KCNU1: variants seen among roughly 807,000 people sequenced by gnomAD.
The protein encoded by KCNU1 is potassium calcium-activated channel subfamily U member 1, also known as potassium channel subfamily U member 1.
Under a neutral mutation model 126.8 loss-of-function variants are expected in KCNU1, and 93 were observed. That is an observed-to-expected ratio of 0.73 (90% CI 0.62 to 0.87). The LOEUF is 0.87. KCNU1 is among the 40% of genes least tolerant of loss of function. The pLI is 0.00. For synonymous variants in KCNU1, 523 were observed against 494.2 expected, an observed-to-expected ratio of 1.06 and a Z score of -0.77; for missense variants, 1,330 against 1,367.1, an observed-to-expected ratio of 0.97 and a Z score of 0.43.
At chr8:36,905,645 C>A in intron 19 of KCNU1, 63 bp from the exon 20 acceptor site, 1 of 886,306 alleles carries the variant, frequency 1.1e-6, no homozygotes, top group Non-Finnish European at 1.9e-6. Context: ...AGTTTTACAT[C>A]TCGGCTTTGT....
intron 19 of KCNU1, among the ~76,000 whole-genome samples, chr8:36,874,816 C>T (rs1806221952): frequency 6.6e-6 from 1 of 152,036 alleles, no homozygotes; most frequent in Non-Finnish European, 1.5e-5. Flanking sequence ...TTGGGAAAAC[C>T]TTTCTTACCG....
In KCNU1 at chr8:36,801,641, A is replaced by G. The variant is rs146727705; in HGVS notation, c.316-2386A>G. ...AAAGGATTTCCTTAAAATTATTAAT[A>G]ATTATCAATATGCTGCTATTAAATG... On this transcript the variant is annotated intron_variant, in intron 2 of 26. Transcript: ENST00000399881. 2.6e-5 allele frequency among the ~76,000 whole-genome samples: 4 copies of G among 152,142 alleles called. No individual in the cohort carries two copies. In the East Asian group the frequency reaches 7.7e-4, roughly 29 times the overall value.
At chr8:36,857,191 A>G (rs976709756) in intron 18 of KCNU1, among the ~76,000 whole-genome samples, 8 of 152,214 alleles carry the variant, frequency 5.3e-5, no homozygotes, top group African/African-American at 1.9e-4. Flanking sequence ...TCCCACTGTG[A>G]AACCTCTGCC....
chr8:36,830,197 G>C (rs1804481007), intron 10 of KCNU1, among the ~76,000 whole-genome samples: 1 of 150,694 alleles, frequency 6.6e-6, no homozygotes, highest in African/African-American at 2.4e-5. Context: ...TAGAAAGAAG[G>C]AAATAAACTA....
At chr8:36,915,288 A>C (rs1359798089) in intron 22 of KCNU1, among the ~76,000 whole-genome samples, 1 of 152,332 alleles carries the variant, frequency 6.6e-6, no homozygotes, top group South Asian at 2.1e-4. Context: ...CTACAACTTA[A>C]GTAGGTACCC....
intron 20 of KCNU1, among the ~76,000 whole-genome samples, chr8:36,907,580 G>T (rs973124553): frequency 1.3e-5 from 2 of 152,106 alleles, no homozygotes; most frequent in Non-Finnish European, 2.9e-5. Flanking sequence ...ATTTCCCCTC[G>T]CAGGGAGATC....
At chr8:36,855,977 C>T (rs899085191) in intron 18 of KCNU1, among the ~76,000 whole-genome samples, 5 of 152,110 alleles carry the variant, frequency 3.3e-5, no homozygotes, top group Admixed American at 2.0e-4. Context: ...CAATTTAGTC[C>T]ACAACAGTCA....
Position 36,837,050 on chromosome 8 carries a change from A to G in KCNU1, c.1518+105A>G, listed in dbSNP as rs555221569. On this transcript the variant is annotated intron_variant, in intron 14 of 26. Transcript: ENST00000399881. The stretch of plus-strand genomic sequence containing the variant: ...GAGAAAAGCATCAAGGCCCCAAGCA[A>G]TGAGATATGACTTCTGCTTGAGCTG... 2.7e-5 allele frequency: 29 copies of G among 1,056,114 alleles called. No homozygotes were observed. The African/African-American group carries it at 4.1e-4, about 15-fold the overall frequency. 65.4% of individuals were successfully genotyped at this position (1,056,114 alleles called of 1,614,324 possible).
intron 14 of KCNU1, among the ~76,000 whole-genome samples, chr8:36,837,186 A>G (rs1277293716): frequency 1.3e-5 from 2 of 152,162 alleles, no homozygotes; most frequent in African/African-American, 4.8e-5. Flanking sequence ...CAGAAAAAAT[A>G]TAACTCTGCT....
At chr8:36,929,346 T>G (rs1808626783) in intron 24 of KCNU1, among the ~76,000 whole-genome samples, 1 of 140,606 alleles carries the variant, frequency 7.1e-6, no homozygotes, top group Non-Finnish European at 1.5e-5. Context: ...ATTGTGCCAC[T>G]GCACTCTAGC....
At chr8:36,865,773 C>CAAAAAA (rs538090899) in intron 19 of KCNU1, among the ~76,000 whole-genome samples, 7 of 61,374 alleles carry the variant, frequency 1.1e-4, no homozygotes, top group Admixed American at 2.0e-4. Context: ...AAGAGCTTGT[C>CAAAAAA]AAAAAAAAAA....
intron 19 of KCNU1, among the ~76,000 whole-genome samples, chr8:36,884,610 C>T (rs1281814908): frequency 1.3e-5 from 2 of 152,034 alleles, no homozygotes; most frequent in African/African-American, 2.4e-5. Context: ...GTGGTGCACA[C>T]CTGTACTCCC....
intron 7 of KCNU1, among the ~76,000 whole-genome samples, chr8:36,812,355 G>A (rs1056652029): frequency 6.9e-6 from 1 of 144,294 alleles, no homozygotes; most frequent in African/African-American, 2.6e-5. Context: ...ACTCCAGCCT[G>A]AGTGACAGAG....
At chr8:36,923,880 G>A (rs928414636) in intron 24 of KCNU1, among the ~76,000 whole-genome samples, 6 of 152,232 alleles carry the variant, frequency 3.9e-5, no homozygotes, top group African/African-American at 9.6e-5. Context: ...TCCACATAAA[G>A]AAGGTGCATA....
chr8:36,919,446 A>AAAC (rs1463886624), intron 23 of KCNU1, among the ~76,000 whole-genome samples: 1 of 147,786 alleles, frequency 6.8e-6, no homozygotes. Context: ...AAAAAAAAAA[A>AAAC]CTCTCGAAGA....
At chr8:36,823,548 A>G (rs191698330) in intron 10 of KCNU1, among the ~76,000 whole-genome samples, 39 of 152,242 alleles carry the variant, frequency 2.6e-4, no homozygotes, top group Admixed American at 2.2e-3. Flanking sequence ...GTAAAAGTGT[A>G]TAAGGATAAC....
At chr8:36,829,880 T>C (rs1804465821) in intron 10 of KCNU1, among the ~76,000 whole-genome samples, 1 of 151,264 alleles carries the variant, frequency 6.6e-6, no homozygotes, top group East Asian at 1.9e-4. Flanking sequence ...GTAAAAGTAA[T>C]ATCTTCCAGT....
At chr8:36,853,669 T>C (rs1805431043) in intron 18 of KCNU1, among the ~76,000 whole-genome samples, 1 of 152,238 alleles carries the variant, frequency 6.6e-6, no homozygotes, top group East Asian at 1.9e-4. Context: ...CATTGTCTAA[T>C]ACATGGTCTA....
chr8:36,845,514 G>T, intron 16 of KCNU1, 66 bp from the exon 17 acceptor site: 3 of 882,416 alleles, frequency 3.4e-6, no homozygotes, highest in Non-Finnish European at 5.6e-6. Context: ...ATAACAGAAA[G>T]AGGCACCAAC....
Sources: allele counts gnomAD v4.1 joint callset (sites outside exome capture counted in the v4.1 genomes callset), GRCh38; gene constraint gnomAD v4.1.1; transcripts MANE v1.5; gene names NCBI Gene and HGNC (gene_info 2026-07-23, HGNC 2026-07-21).